The following WDPCP variants were observed in gnomAD, a reference collection of about 807,000 sequenced individuals.
WDPCP encodes WD repeat containing planar cell polarity effector, also known as WD repeat-containing and planar cell polarity effector protein fritz homolog.
WDPCP carries 71 observed loss-of-function variants against 93.1 expected under a neutral mutation model. The ratio of observed to expected loss-of-function variants is 0.76; its 90% CI spans 0.63 to 0.93. The LOEUF (loss-of-function observed/expected upper bound fraction) is 0.93, where lower values mean the gene tolerates loss of function less well. Ranked by LOEUF, WDPCP falls within the 40% of genes least tolerant of loss-of-function variation. WDPCP has a pLI of 0.00. For missense variants in WDPCP, 844 were observed against 887.4 expected (o/e 0.95, Z 0.62); for synonymous variants, 315 against 315.0 (o/e 1.00, Z 0.00).
intron 2 of WDPCP, among the ~76,000 whole-genome samples, chr2:63,809,237 AG>A (rs995766053): frequency 7.3e-6 from 1 of 136,062 alleles, no homozygotes; most frequent in African/African-American, 2.8e-5. Flanking sequence ...TGCCCCTACT[AG>A]GAAGTGAGGA....
At chr2:63,696,711 G>C (rs563875962) in intron 2 of WDPCP, among the ~76,000 whole-genome samples, 1 of 152,314 alleles carries the variant, frequency 6.6e-6, no homozygotes, top group African/African-American at 2.4e-5. Context: ...TATATGACCT[G>C]GGTGGTTAAG....
intron 2 of WDPCP, among the ~76,000 whole-genome samples, chr2:63,678,162 G>A (rs1443725257): frequency 1.3e-5 from 2 of 152,158 alleles, no homozygotes; most frequent in African/African-American, 4.8e-5. Context: ...CAAGGACTCA[G>A]CCTTTTTCTT....
intron 2 of WDPCP, among the ~76,000 whole-genome samples, chr2:63,704,888 T>G (rs1669122998): frequency 6.6e-6 from 1 of 152,212 alleles, no homozygotes; most frequent in South Asian, 2.1e-4. Flanking sequence ...AGCTCCTCCT[T>G]GTACCTCTGG....
chr2:63,796,390 C>T (rs1329338136), intron 2 of WDPCP, among the ~76,000 whole-genome samples: 1 of 152,252 alleles, frequency 6.6e-6, no homozygotes, highest in African/African-American at 2.4e-5. Flanking sequence ...AAGGCATCTT[C>T]ATAAGAACCA....
intron 13 of WDPCP, among the ~76,000 whole-genome samples, chr2:63,273,842 C>T (rs999102210): frequency 6.6e-6 from 1 of 151,826 alleles, no homozygotes; most frequent in Non-Finnish European, 1.5e-5. Flanking sequence ...CACACACACA[C>T]ACACACAGAA....
At chr2:63,600,555 A>G (rs1438262430) in intron 3 of WDPCP, among the ~76,000 whole-genome samples, 1 of 152,234 alleles carries the variant, frequency 6.6e-6, no homozygotes, top group Non-Finnish European at 1.5e-5. Flanking sequence ...ATGAGGATTA[A>G]ATAAGATCTG....
chr2:63,613,805 G>A (rs764534434), intron 3 of WDPCP, among the ~76,000 whole-genome samples: 64 of 152,162 alleles, frequency 4.2e-4, no homozygotes, highest in Admixed American at 1.0e-3. Flanking sequence ...CAAACCCCAA[G>A]CACAGGGAGA....
intron 14 of WDPCP, among the ~76,000 whole-genome samples, chr2:63,213,255 G>T (rs527995231): frequency 2.6e-5 from 4 of 152,132 alleles, no homozygotes; most frequent in Non-Finnish European, 5.9e-5. Context: ...TAAAAGAACA[G>T]AAATTATAAC....
chr2:63,181,146 A>G (rs1674210802), intron 14 of WDPCP, among the ~76,000 whole-genome samples: 1 of 151,982 alleles, frequency 6.6e-6, no homozygotes, highest in Non-Finnish European at 1.5e-5. Context: ...CTCCCATTCT[A>G]CACATTGTCT....
In WDPCP at chr2:63,575,469, A is replaced by T. The variant is rs74209002; in HGVS notation, c.75+12728T>A. 3.2e-3 allele frequency among the ~76,000 whole-genome samples: 52 copies of T among 16,288 alleles called. 2 individuals are homozygous for T. Among genetic ancestry groups the T allele is most frequent in the African/African-American group, 6.0e-3 (27 of 4,530 alleles). The allele number at this position is 16,288 out of a possible 152,430, so 10.7% of individuals were successfully genotyped here. A position where few individuals can be genotyped will look rare whatever the true frequency, so the allele number is the denominator to read the frequency against. ...TACACTGTATATACAGTATATATGCAGTATATACAGTGTATATATAGTATA... is the reference window on the plus strand; with the variant it reads ...TACACTGTATATACAGTATATATGCTGTATATACAGTGTATATATAGTATA... On this transcript the variant is annotated intron_variant, in intron 1 of 17. Transcript: ENST00000272321.
intron 17 of WDPCP, 116 bp downstream of exon 17, chr2:63,152,798 G>T: frequency 1.1e-6 from 1 of 922,950 alleles, no homozygotes; most frequent in Non-Finnish European, 1.7e-6. Flanking sequence ...TCTAGTTAAT[G>T]TAGTCCAGTT....
chr2:63,573,563 A>G (rs188383381), intron 1 of WDPCP, among the ~76,000 whole-genome samples: 2 of 152,118 alleles, frequency 1.3e-5, no homozygotes, highest in Non-Finnish European at 2.9e-5. Context: ...TCATCTTCGT[A>G]AGCTGAGGAG....
Position 63,434,002 on chromosome 2 carries a change from C to CA in WDPCP, c.634-67dup, listed in dbSNP as rs536613266. ...AAAGATGCAAAATCCTCAAGTATTA[C>CA]AAAAATTAAAGCATCTGGAAATGTA... On this transcript the variant is annotated intron_variant, in intron 8 of 17. Coordinates refer to ENST00000272321, the MANE Select transcript of WDPCP (RefSeq NM_015910.7). 1.7e-4 allele frequency: 250 copies of CA among 1,507,778 alleles called. No individual in the cohort carries two copies. In the African/African-American group the frequency reaches 3.3e-3, roughly 20 times the overall value. 93.4% of individuals were successfully genotyped at this position (1,507,778 alleles called of 1,614,324 possible). A position where few individuals can be genotyped will look rare whatever the true frequency, so the allele number is the denominator to read the frequency against.
rs1702488851 is a variant in WDPCP, at chr2:63,515,436, A to G, written c.76-22496T>C. Among the ~76,000 whole-genome samples the G allele has an allele frequency of 3.9e-5, 6 of 152,324 alleles. No individual in the cohort carries two copies. The South Asian group carries it at 1.2e-3, about 32-fold the overall frequency. ...AAAGTACTTTCTATTAAAGATGCTC[A>G]ATAAAAGGTTGAATGCTGTTACAAA... is the stretch of plus-strand genomic sequence containing the variant. On this transcript the variant is annotated intron_variant, in intron 1 of 17. Coordinates refer to ENST00000272321, the MANE Select transcript of WDPCP (RefSeq NM_015910.7).
At chr2:63,275,020 C>T (rs12616064) in intron 13 of WDPCP, among the ~76,000 whole-genome samples, 29,895 of 151,916 alleles carry the variant, frequency 0.2, 3,852 homozygotes, top group East Asian at 0.51. Context: ...CAAAAACCTA[C>T]GGGCCAATAT....
chr2:63,222,301 T>A (rs961876371), intron 14 of WDPCP, among the ~76,000 whole-genome samples: 1 of 152,218 alleles, frequency 6.6e-6, no homozygotes, highest in Non-Finnish European at 1.5e-5. Context: ...TTCTACTGTT[T>A]AAGTTTAGCT....
chr2:63,521,106 C>T (rs1702897143), intron 1 of WDPCP, among the ~76,000 whole-genome samples: 1 of 152,060 alleles, frequency 6.6e-6, no homozygotes, highest in South Asian at 2.1e-4. Flanking sequence ...ACTACAAAAC[C>T]ACATTTAAAC....
intron 17 of WDPCP, among the ~76,000 whole-genome samples, chr2:63,150,932 T>C (rs1000569724): frequency 2.6e-5 from 4 of 152,230 alleles, no homozygotes; most frequent in African/African-American, 9.6e-5. Context: ...CTGTATCTTA[T>C]CTGTACTTAA....
chr2:63,583,037 A>T (rs764263750), intron 1 of WDPCP, among the ~76,000 whole-genome samples: 20 of 152,244 alleles, frequency 1.3e-4, no homozygotes, highest in Non-Finnish European at 2.5e-4. Flanking sequence ...TTCTCACTAA[A>T]TCTCTTTTAA....
Sources: allele counts gnomAD v4.1 joint callset (sites outside exome capture counted in the v4.1 genomes callset), GRCh38; gene constraint gnomAD v4.1.1; transcripts MANE v1.5; gene names NCBI Gene and HGNC (gene_info 2026-07-23, HGNC 2026-07-21).